The following CCDC80 variants were observed in gnomAD, a reference collection of about 807,000 sequenced individuals.
CCDC80 encodes the protein coiled-coil domain-containing protein 80.
A neutral mutation model predicts 78.7 loss-of-function variants in CCDC80; 49 were observed. The observed-to-expected ratio is 0.62, with a 90% confidence interval of 0.50 to 0.79. CCDC80 has a LOEUF of 0.79. Among genes scored for constraint, CCDC80 ranks in the 30% least tolerant of loss-of-function variants. CCDC80 has a pLI of 0.00. For missense variants in CCDC80, 1,205 were observed against 1,198.6 expected, an observed-to-expected ratio of 1.01 and a Z score of -0.08; for synonymous variants, 488 against 447.0, an observed-to-expected ratio of 1.09 and a Z score of -1.16.
intron 3 of CCDC80, among the ~76,000 whole-genome samples, chr3:112,623,213 T>G (rs182527085): frequency 2.0e-5 from 3 of 152,286 alleles, no homozygotes; most frequent in Admixed American, 1.3e-4. Flanking sequence ...GCAGTCAAAT[T>G]CAGGTGGTAC....
At chr3:112,622,521 T>G (rs922530277) in intron 3 of CCDC80, among the ~76,000 whole-genome samples, 1 of 152,222 alleles carries the variant, frequency 6.6e-6, no homozygotes, top group Non-Finnish European at 1.5e-5. Context: ...GGGCTCAGTG[T>G]TGAGGTTCTC....
At position 112,639,733 on chromosome 3, in the gene CCDC80, G is replaced by A. The variant is rs1443612944; in HGVS notation, c.173C>T (p.Ser58Phe). The change falls in exon 2 of 8, where the codon TCT becomes TTT. Residue 58 changes from serine to phenylalanine, a missense_variant. Ser to Phe is a radical substitution (Grantham distance 155). Transcript: ENST00000206423. ...CAGAGTGGATCTCTCAATTCCGCGA[G>A]ACCTCCCAGTGTGCCTCAGAAACCG... is the stretch of plus-strand genomic sequence containing the variant. ...PARFLRHTGRSRGIERSTLEE... is the reference protein window; with the variant it reads ...PARFLRHTGRFRGIERSTLEE... 6.2e-7 allele frequency: 1 copy of A among 1,613,992 alleles called. No homozygotes were observed. Among genetic ancestry groups the A allele is most frequent in the African/African-American group, 1.3e-5 (1 of 74,888 alleles).
intron 3 of CCDC80, among the ~76,000 whole-genome samples, chr3:112,623,986 C>T (rs963221794): frequency 6.6e-6 from 1 of 152,188 alleles, no homozygotes; most frequent in African/African-American, 2.4e-5. Context: ...GAGTTTTGGT[C>T]ACCTTTTACA....
intron 5 of CCDC80, among the ~76,000 whole-genome samples, chr3:112,614,861 A>T (rs1363606936): frequency 6.6e-6 from 1 of 152,226 alleles, no homozygotes; most frequent in Non-Finnish European, 1.5e-5. Context: ...CTCAGTGATG[A>T]GAGAAAGTTA....
In CCDC80 at chr3:112,638,506, C is replaced by T. The variant is rs771380755; in HGVS notation, c.1400G>A (p.Arg467His). 6 of 1,613,924 alleles carry T rather than the reference C, an allele frequency of 3.7e-6. No individual in the cohort carries two copies. Among genetic ancestry groups the T allele is most frequent in the East Asian group, 4.5e-5 (2 of 44,856 alleles). ...AAGPGRFRDN[R>H]MDRREHGHRD... ...GTGGCCATGTTCCCGCCTGTCCATG[C>T]GGTTGTCCCGGAAACGGCCTGGGCC... The change falls in exon 2 of 8, where the codon CGC (arginine) becomes CAC (histidine). Residue 467 changes from arginine to histidine, a missense_variant. Physicochemically the swap from Arg to His is conservative, Grantham distance 29. Transcript: ENST00000206423.
rs1260061514 is a variant in CCDC80, at chr3:112,598,799, A to C, written c.*6618T>G. ...GGTACTCACAATCCTTGCCAACCTG[A>C]TGTCCTTGGAAGCTCCAGTCTGGCT... is the stretch of plus-strand genomic sequence containing the variant. On this transcript the variant is annotated 3_prime_UTR_variant, in exon 8 of 8. Coordinates refer to ENST00000206423, the MANE Select transcript of CCDC80 (RefSeq NM_199511.3). 1 of 152,180 alleles carries C rather than the reference A, an allele frequency of 6.6e-6. No homozygotes were observed. Among genetic ancestry groups the C allele is most frequent in the Non-Finnish European group, 1.5e-5 (1 of 68,056 alleles). The allele number at this position is 152,180 out of a possible 1,614,324, so 9.4% of individuals were successfully genotyped here.
chr3:112,622,130 A>G (rs562175653), intron 3 of CCDC80, among the ~76,000 whole-genome samples: 25 of 152,310 alleles, frequency 1.6e-4, no homozygotes, highest in African/African-American at 6.0e-4. Context: ...CTGCTATGCC[A>G]AAATGCCTCA....
rs1444299409 is a variant in CCDC80 at position 112,601,341 on chromosome 3, AATT to A, written c.*4073_*4075del. 3.9e-5 allele frequency: 6 copies of A among 152,188 alleles called. No homozygotes were observed. The highest frequency in any genetic ancestry group is 6.5e-5 in the Admixed American group (1 of 15,290). The allele number at this position is 152,188 out of a possible 1,614,324, so 9.4% of individuals were successfully genotyped here. On this transcript the variant is annotated 3_prime_UTR_variant, in exon 8 of 8. Transcript: ENST00000206423. Reference sequence around the variant, plus strand: ...ATTTATTAATCTCTGTACTTATTAGAATTAATAATAATACTAAAATGATTTGGA... The same window carrying A: ...ATTTATTAATCTCTGTACTTATTAGAAATAATAATACTAAAATGATTTGGA...
Position 112,631,752 on chromosome 3 carries a change from A to G in CCDC80, c.1879-1483T>C, listed in dbSNP as rs1403377621. Among the ~76,000 whole-genome samples the G allele has an allele frequency of 3.3e-5, 5 of 152,068 alleles. No individual in the cohort carries two copies. In the East Asian group the frequency reaches 9.6e-4, roughly 29 times the overall value. On this transcript the variant is annotated intron_variant, in intron 2 of 7. Coordinates refer to ENST00000206423, the MANE Select transcript of CCDC80 (RefSeq NM_199511.3). Reference sequence around the variant, plus strand: ...ATTTTTCTCTGTCAGAGATGTCTGTATTGCTACCTGCAGGCTTTCCCTTCT... The same window carrying G: ...ATTTTTCTCTGTCAGAGATGTCTGTGTTGCTACCTGCAGGCTTTCCCTTCT...
At chr3:112,620,966 C>T (rs1304238797) in intron 3 of CCDC80, among the ~76,000 whole-genome samples, 1 of 152,174 alleles carries the variant, frequency 6.6e-6, no homozygotes, top group Non-Finnish European at 1.5e-5. Context: ...CAAGCTCCTA[C>T]TTAGAACCAG....
chr3:112,639,813 G>T lies in CCDC80; in HGVS notation c.93C>A (p.Gly31=). 6.2e-7 allele frequency: 1 copy of T among 1,614,210 alleles called. No homozygotes were observed. The highest frequency in any genetic ancestry group is 1.1e-5 in the South Asian group (1 of 91,084). ...AAGGCACTTTCCGTCCTCCGTGGCTGCCTCTAATAGTGGCATGGGGGTGGG... is the reference window on the plus strand; with the variant it reads ...AAGGCACTTTCCGTCCTCCGTGGCTTCCTCTAATAGTGGCATGGGGGTGGG... ...SEPHPHATIR[G]SHGGRKVPLV... The change falls in exon 2 of 8, where the codon GGC becomes GGA. Residue 31 remains glycine (G), a synonymous_variant. Coordinates refer to ENST00000206423, the MANE Select transcript of CCDC80 (RefSeq NM_199511.3).
At chr3:112,618,545 C>A (rs200169933) in intron 4 of CCDC80, among the ~76,000 whole-genome samples, 14 of 149,884 alleles carry the variant, frequency 9.3e-5, no homozygotes, top group African/African-American at 3.0e-4. Context: ...AAAAAAAAAA[C>A]AACCCCAAAC....
chr3:112,626,397 C>T (rs1012053894), intron 3 of CCDC80, among the ~76,000 whole-genome samples: 4 of 152,048 alleles, frequency 2.6e-5, no homozygotes, highest in East Asian at 1.9e-4. Context: ...TTCAGGACTG[C>T]CCCAGAGGCA....
chr3:112,628,970 G>A (rs1179850941), intron 3 of CCDC80, among the ~76,000 whole-genome samples: 2 of 151,952 alleles, frequency 1.3e-5, no homozygotes, highest in South Asian at 2.1e-4. Flanking sequence ...TGTATTAAGA[G>A]GGAAGATTTC....
intron 5 of CCDC80, 124 bp from the exon 6 acceptor site, chr3:112,610,205 A>G (rs1935597815): frequency 1.3e-6 from 1 of 772,412 alleles, no homozygotes; most frequent in East Asian, 2.7e-5. Flanking sequence ...AAAGAAAAAA[A>G]CAGAGAACTG....
In CCDC80 at chr3:112,600,815, T is replaced by C. The variant is rs1935360872; in HGVS notation, c.*4602A>G. ...CCCTCACTGCTCCTGGCTCCCTCATTATTATATTTCCTGAAGTTGACATGA... is the reference window on the plus strand; with the variant it reads ...CCCTCACTGCTCCTGGCTCCCTCATCATTATATTTCCTGAAGTTGACATGA... On this transcript the variant is annotated 3_prime_UTR_variant, in exon 8 of 8. Coordinates refer to ENST00000206423, the MANE Select transcript of CCDC80 (RefSeq NM_199511.3). The C allele has an allele frequency of 1.3e-5, 2 of 152,166 alleles. No individual in the cohort carries two copies. The highest frequency in any genetic ancestry group is 6.5e-5 in the Admixed American group (1 of 15,276). The allele number at this position is 152,166 out of a possible 1,614,324, so 9.4% of individuals were successfully genotyped here.
At chr3:112,610,161 G>T (rs1401637897) in intron 5 of CCDC80, 80 bp from the exon 6 acceptor site, 1 of 1,243,390 alleles carries the variant, frequency 8.0e-7, no homozygotes. Context: ...GAGTGACTTA[G>T]GCTAGCAATT....
chr3:112,635,979 A>G (rs189576794), intron 2 of CCDC80, among the ~76,000 whole-genome samples: 2 of 152,254 alleles, frequency 1.3e-5, no homozygotes, highest in Non-Finnish European at 2.9e-5. Context: ...TTTTTGACTC[A>G]CAAACTAGCG....
chr3:112,632,427 A>C (rs1487330516), intron 2 of CCDC80, among the ~76,000 whole-genome samples: 4 of 152,200 alleles, frequency 2.6e-5, no homozygotes. Flanking sequence ...AGCTGCTTAG[A>C]TGTTAGATGA....
Sources: gnomAD v4.1 joint callset for allele counts (sites outside exome capture counted in the v4.1 genomes callset) on GRCh38, gnomAD v4.1.1 for gene constraint, MANE v1.5 for transcripts, NCBI Gene and HGNC (gene_info 2026-07-23, HGNC 2026-07-21) for gene names.